The following IFT81 variants were observed in gnomAD, a reference collection of about 807,000 sequenced individuals.
IFT81 encodes intraflagellar transport protein 81 homolog.
In IFT81, 72 loss-of-function variants were observed where a neutral mutation model predicts 102.6. The ratio of observed to expected loss-of-function variants is 0.70; its 90% CI spans 0.58 to 0.85. The LOEUF is 0.85. Among genes scored for constraint, IFT81 ranks in the 40% least tolerant of loss-of-function variants. IFT81 has a pLI of 0.00. For synonymous variants in IFT81, 237 were observed against 242.7 expected (o/e 0.98, Z 0.22); for missense variants, 723 against 787.3 (o/e 0.92, Z 0.98).
chr12:110,127,817 C>T (rs183819012), intron 2 of IFT81, among the ~76,000 whole-genome samples: 35 of 152,336 alleles, frequency 2.3e-4, no homozygotes, highest in Middle Eastern at 3.4e-3. Context: ...CTCTCATACA[C>T]TGGTCCATTC....
In IFT81 at chr12:110,169,028, CCTT is replaced by C. The variant is rs1365700287; in HGVS notation, c.1188+5965_1188+5967del. On this transcript the variant is annotated intron_variant, in intron 11 of 18. Transcript: ENST00000242591. ...CTTTCTTTCTTTTCCTTCCTCCCTT[CCTT>C]CCTTCCTTCCTTCCTTCCTTCCTTC... is the stretch of plus-strand genomic sequence containing the variant. The C allele has an allele frequency of 4.3e-4, 15 of 34,510 alleles. No individual in the cohort carries two copies. In the East Asian group the frequency reaches 0.017, roughly 40 times the overall value. 2.1% of individuals were successfully genotyped at this position (34,510 alleles called of 1,614,324 possible). A position where few individuals can be genotyped will look rare whatever the true frequency, so the allele number is the denominator to read the frequency against.
intron 13 of IFT81, among the ~76,000 whole-genome samples, chr12:110,191,792 C>T (rs114302825): frequency 0.017 from 2,565 of 152,128 alleles, 76 homozygotes; most frequent in African/African-American, 0.058. Context: ...GAGTACCCCC[C>T]TCCAGTTGTC....
chr12:110,134,921 T>C, intron 5 of IFT81, 27 bp from the exon 6 acceptor site: 2 of 1,563,620 alleles, frequency 1.3e-6, no homozygotes, highest in Non-Finnish European at 1.8e-6. Flanking sequence ...TACTTTTTCT[T>C]ATAAGGTCTT....
chr12:110,179,701 A>G (rs1166694902), intron 11 of IFT81, among the ~76,000 whole-genome samples: 1 of 137,928 alleles, frequency 7.3e-6, no homozygotes, highest in African/African-American at 2.6e-5. Context: ...AGCCTGGGCA[A>G]CAGAGCAAAC....
At chr12:110,142,082 C>T (rs1894924033) in intron 8 of IFT81, among the ~76,000 whole-genome samples, 1 of 152,160 alleles carries the variant, frequency 6.6e-6, no homozygotes, top group Non-Finnish European at 1.5e-5. Context: ...TAACTGTAAA[C>T]TAATAATACT....
In IFT81 at chr12:110,209,206, A is replaced by G. The variant is rs750963331; in HGVS notation, c.1838A>G (p.Asn613Ser). 6.5e-7 allele frequency: 1 copy of G among 1,543,380 alleles called. No homozygotes were observed. The highest frequency in any genetic ancestry group is 1.7e-5 in the Admixed American group (1 of 58,684). Residue 613 changes from asparagine (N) to serine (S), a missense_variant, in exon 18 of 19, where the codon AAC (asparagine) becomes AGC (serine). Coordinates refer to ENST00000242591, the MANE Select transcript of IFT81 (RefSeq NM_014055.4). Reference protein sequence around the residue: ...QYTKNTAEQENLGKKLREKQK... With the variant: ...QYTKNTAEQESLGKKLREKQK... ...ACCAAAAATACTGCTGAACAAGAAA[A>G]CCTTGGAAAGGTAAGAATTATTATT...
chr12:110,167,527 G>A (rs1179934977), intron 11 of IFT81, among the ~76,000 whole-genome samples: 2 of 152,058 alleles, frequency 1.3e-5, no homozygotes, highest in South Asian at 2.1e-4. Context: ...AAAATAAATA[G>A]TAATGAATAT....
At chr12:110,207,748 A>G (rs1868850197) in intron 17 of IFT81, among the ~76,000 whole-genome samples, 1 of 151,882 alleles carries the variant, frequency 6.6e-6, no homozygotes, top group African/African-American at 2.4e-5. Flanking sequence ...AATTTTTAGT[A>G]GAGACAGGGT....
intron 17 of IFT81, among the ~76,000 whole-genome samples, chr12:110,207,485 C>G (rs1039640892): frequency 1.3e-5 from 2 of 151,446 alleles, no homozygotes; most frequent in African/African-American, 4.8e-5. Context: ...TTCTTAAATA[C>G]TGCAGCGTAG....
At position 110,174,258 on chromosome 12, in the gene IFT81, A is replaced by G. The variant is rs1170971395; in HGVS notation, c.1189-6164A>G. 1.2e-3 allele frequency among the ~76,000 whole-genome samples: 166 copies of G among 135,902 alleles called. 4 individuals are homozygous for G. The highest frequency in any genetic ancestry group is 0.01 in the Admixed American group (131 of 12,988). The allele number at this position is 135,902 out of a possible 152,430, so 89.2% of individuals were successfully genotyped here. Reference sequence around the variant, plus strand: ...GCGCCACTGCACTCCAGCCTGGGCGACAGAGCAAGACTCCGTCTCAAAAAA... The same window carrying G: ...GCGCCACTGCACTCCAGCCTGGGCGGCAGAGCAAGACTCCGTCTCAAAAAA... On this transcript the variant is annotated intron_variant, in intron 11 of 18. Coordinates refer to ENST00000242591, the MANE Select transcript of IFT81 (RefSeq NM_014055.4).
At chr12:110,193,868 A>T (rs911717767) in intron 14 of IFT81, among the ~76,000 whole-genome samples, 1 of 152,158 alleles carries the variant, frequency 6.6e-6, no homozygotes, top group Non-Finnish European at 1.5e-5. Flanking sequence ...GTAAATAAAT[A>T]CCTGAGACTA....
At chr12:110,145,577 C>T (rs1028779774) in intron 9 of IFT81, among the ~76,000 whole-genome samples, 20 of 151,018 alleles carry the variant, frequency 1.3e-4, no homozygotes, top group African/African-American at 4.6e-4. Flanking sequence ...GCTGGAATTA[C>T]AGGCACCTGC....
chr12:110,174,515 A>T (rs1159399024), intron 11 of IFT81, among the ~76,000 whole-genome samples: 7 of 151,734 alleles, frequency 4.6e-5, no homozygotes, highest in Non-Finnish European at 1.0e-4. Flanking sequence ...AGTGCTTATT[A>T]TATGATAGTC....
rs116088592 is a variant in IFT81, at chr12:110,149,846, C to T, written c.1041+2798C>T. On this transcript the variant is annotated intron_variant, in intron 10 of 18. Transcript: ENST00000242591. ...TCTTGATGTCCGGCCACTTGTGTGT[C>T]TGCCTGCTAGGGTCCCGGGGGTTTT... Among the ~76,000 whole-genome samples the T allele has an allele frequency of 5.9e-3, 893 of 152,244 alleles. 3 individuals carry two copies. Among genetic ancestry groups the T allele is most frequent in the African/African-American group, 0.021 (855 of 41,542 alleles).
chr12:110,205,757 T>C, intron 17 of IFT81, 77 bp downstream of exon 17: 1 of 914,702 alleles, frequency 1.1e-6, no homozygotes, highest in South Asian at 1.9e-5. Flanking sequence ...GATAGAATTA[T>C]ACAAATTTAG....
intron 9 of IFT81, among the ~76,000 whole-genome samples, chr12:110,144,027 T>C (rs1455616718): frequency 1.3e-5 from 2 of 149,976 alleles, no homozygotes; most frequent in African/African-American, 2.5e-5. Context: ...TTTTTTTTTT[T>C]TGAGACAGTA....
chr12:110,143,589 C>A, intron 9 of IFT81, 44 bp downstream of exon 9: 2 of 1,435,056 alleles, frequency 1.4e-6, no homozygotes, highest in South Asian at 2.8e-5. Context: ...TTTATCTGAT[C>A]CCCAGTCCTA....
chr12:110,206,675 T>TA (rs551478493), intron 17 of IFT81, among the ~76,000 whole-genome samples: 1,683 of 129,012 alleles, frequency 0.013, 7 homozygotes, highest in South Asian at 0.018. Flanking sequence ...ACTCTGTCTT[T>TA]AAAAAAAAAA....
At chr12:110,162,868 A>G in intron 10 of IFT81, 51 bp from the exon 11 acceptor site, 2 of 1,433,940 alleles carry the variant, frequency 1.4e-6, no homozygotes, top group African/African-American at 1.4e-5. Context: ...ACAAGATAAT[A>G]GAAAGTTGAT....
Sources: gnomAD v4.1 joint callset for allele counts (sites outside exome capture counted in the v4.1 genomes callset) on GRCh38, gnomAD v4.1.1 for gene constraint, MANE v1.5 for transcripts, NCBI Gene and HGNC (gene_info 2026-07-23, HGNC 2026-07-21) for gene names.